SLC35A5: variants seen among roughly 807,000 people sequenced by gnomAD.
SLC35A5 encodes the protein UDP-sugar transporter protein SLC35A5.
In SLC35A5, 28 loss-of-function variants were observed where a neutral mutation model predicts 36.3. That is an observed-to-expected ratio of 0.77 (90% CI 0.57 to 1.06). The LOEUF is 1.06. Among genes scored for constraint, SLC35A5 ranks in the 50% least tolerant of loss-of-function variants. The probability of loss-of-function intolerance (pLI) is 0.00; values close to 1 mark genes in which losing one functional copy is unlikely to be tolerated. For synonymous variants in SLC35A5, 180 were observed against 173.7 expected, an observed-to-expected ratio of 1.04 and a Z score of -0.29; for missense variants, 521 against 499.3, an observed-to-expected ratio of 1.04 and a Z score of -0.41.
At chr3:112,571,335 C>T (rs1440198144) in intron 4 of SLC35A5, among the ~76,000 whole-genome samples, 1 of 152,194 alleles carries the variant, frequency 6.6e-6, no homozygotes, top group East Asian at 1.9e-4. Context: ...CAATAGGTCA[C>T]ATGTATATTT....
At position 112,573,945 on chromosome 3, in the gene SLC35A5, G is replaced by A; in HGVS notation, c.417G>A (p.Arg139=). The A allele has an allele frequency of 6.2e-7, 1 of 1,612,436 alleles. No homozygotes were observed. The highest frequency in any genetic ancestry group is 8.5e-7 in the Non-Finnish European group (1 of 1,178,630). Residue 139 remains arginine (R), a synonymous_variant, in exon 5 of 7, where the codon AGG becomes AGA. Coordinates refer to ENST00000492406, the MANE Select transcript of SLC35A5 (RefSeq NM_017945.5). ...FSIITTALLF[R]IVLKRRLNWI... ...TTATAACAACAGCTCTTCTATTCAG[G>A]ATAGTGCTGAAGTAAGTAACTTGCT...
chr3:112,570,437 A>C, intron 3 of SLC35A5, 103 bp from the exon 4 acceptor site: 1 of 1,317,692 alleles, frequency 7.6e-7, no homozygotes, highest in Non-Finnish European at 1.0e-6. Flanking sequence ...GCACGTTTAT[A>C]AAGCTCCCTT....
chr3:112,561,334 T>A, upstream of SLC35A5: 1 of 975,196 alleles, frequency 1.0e-6, no homozygotes. Flanking sequence ...CTTCCCTGTG[T>A]CTCGAGCCCT....
In SLC35A5 at chr3:112,569,285, G is replaced by A; in HGVS notation, c.229+16G>A. 6.3e-7 allele frequency: 1 copy of A among 1,599,892 alleles called. No homozygotes were observed. The highest frequency in any genetic ancestry group is 1.1e-5 in the South Asian group (1 of 90,162). ...ATAAAGAAAGGTAAGTCTTGAAATG[G>A]TACTATATACTTGTTAATCATAGGA... On this transcript the variant is annotated intron_variant, in intron 3 of 6. Coordinates refer to ENST00000492406, the MANE Select transcript of SLC35A5 (RefSeq NM_017945.5).
chr3:112,576,046 C>T (rs1007251310), intron 5 of SLC35A5, among the ~76,000 whole-genome samples: 22 of 151,994 alleles, frequency 1.4e-4, no homozygotes, highest in Admixed American at 1.3e-3. Context: ...AGGTGTGAGC[C>T]ACTACGCCTG....
chr3:112,583,472 TCTC>T lies in SLC35A5; in HGVS notation c.*740_*742del, dbSNP rs984482879. 3.2e-4 allele frequency: 69 copies of T among 215,442 alleles called. 1 individual carries two copies. Among genetic ancestry groups the T allele is most frequent in the African/African-American group, 1.5e-3 (65 of 44,274 alleles). 13.3% of individuals were successfully genotyped at this position (215,442 alleles called of 1,614,324 possible). ...TAAACAAGCCACGGTGGGGCTTTTT[TCTC>T]CTCAGTTTGAGGAGAAAAATCTTGA... On this transcript the variant is annotated 3_prime_UTR_variant, in exon 7 of 7. Transcript: ENST00000492406.
At chr3:112,564,694 A>C (rs568194835) in intron 2 of SLC35A5, among the ~76,000 whole-genome samples, 1 of 152,284 alleles carries the variant, frequency 6.6e-6, no homozygotes, top group East Asian at 1.9e-4. Context: ...AGACTATCAC[A>C]TGGGGAGAAA....
At chr3:112,575,731 T>C (rs765071396) in intron 5 of SLC35A5, among the ~76,000 whole-genome samples, 8 of 151,770 alleles carry the variant, frequency 5.3e-5, no homozygotes, top group Non-Finnish European at 8.8e-5. Flanking sequence ...TTGTCTTTTA[T>C]GAGAATGCCT....
chr3:112,574,406 A>T (rs1289027500), intron 5 of SLC35A5, among the ~76,000 whole-genome samples: 1 of 112,922 alleles, frequency 8.9e-6, no homozygotes, highest in African/African-American at 7.8e-5. Flanking sequence ...ACTAATTAGC[A>T]GAGTGTGTGA....
At position 112,563,458 on chromosome 3, in the gene SLC35A5, A is replaced by G. The variant is rs1359929729; in HGVS notation, c.55A>G (p.Thr19Ala). The G allele has an allele frequency of 5.6e-6, 9 of 1,606,068 alleles. No homozygotes were observed. The highest frequency in any genetic ancestry group is 7.7e-6 in the Non-Finnish European group (9 of 1,173,824). Residue 19 changes from threonine to alanine, a missense_variant, in exon 2 of 7, where the codon ACA (threonine) becomes GCA (alanine). Transcript: ENST00000492406. ...PVICSLSTMY[T>A]FLLGAIFIAL... ...AATATGCTCCTTGTCAACAATGTAT[A>G]CATTCCTGCTAGGTGCCATATTCAT...
intron 2 of SLC35A5, among the ~76,000 whole-genome samples, chr3:112,567,162 C>G (rs1038098581): frequency 1.3e-5 from 2 of 150,432 alleles, no homozygotes; most frequent in East Asian, 4.1e-4. Flanking sequence ...GGAGGTGGAG[C>G]TTGCAGTGAG....
chr3:112,570,623 T>A lies in SLC35A5; in HGVS notation c.313T>A (p.Phe105Ile), dbSNP rs1419013606. ...GTGGTCCATTCCTGCCTTTCTTTATTTCCTGGATAACTTGATTGTCTTCTA... is the reference window on the plus strand; with the variant it reads ...GTGGTCCATTCCTGCCTTTCTTTATATCCTGGATAACTTGATTGTCTTCTA... Reference protein sequence around the residue: ...MKWSIPAFLYFLDNLIVFYVL... With the variant: ...MKWSIPAFLYILDNLIVFYVL... Residue 105 changes from phenylalanine (F) to isoleucine (I), a missense_variant, in exon 4 of 7, where the codon TTC becomes ATC. Transcript: ENST00000492406. 11 of 1,612,494 alleles carry A rather than the reference T, an allele frequency of 6.8e-6. No individual in the cohort carries two copies. The East Asian group carries it at 2.2e-4, about 33-fold the overall frequency.
chr3:112,582,224 C>T (rs1195407912), intron 6 of SLC35A5, among the ~76,000 whole-genome samples: 1 of 152,124 alleles, frequency 6.6e-6, no homozygotes, highest in South Asian at 2.1e-4. Context: ...CATGATTCAA[C>T]AGATTCTAAA....
At chr3:112,581,943 A>G (rs944033478) in intron 6 of SLC35A5, among the ~76,000 whole-genome samples, 10 of 152,264 alleles carry the variant, frequency 6.6e-5, no homozygotes, top group East Asian at 1.9e-4. Flanking sequence ...TGCTTATGCA[A>G]TTATTCCGAA....
At chr3:112,563,311 G>T in intron 1 of SLC35A5, 74 bp from the exon 2 acceptor site, 3 of 1,324,252 alleles carry the variant, frequency 2.3e-6, no homozygotes, top group African/African-American at 1.5e-5. Flanking sequence ...TTCCTTTTTT[G>T]TCCTCACGAT....
At chr3:112,569,003 C>T (rs369063582) in intron 2 of SLC35A5, among the ~76,000 whole-genome samples, 168 bp from the exon 3 acceptor site, 1 of 152,264 alleles carries the variant, frequency 6.6e-6, no homozygotes, top group East Asian at 1.9e-4. Context: ...ATAGCTAATA[C>T]ATTAGGTGAA....
chr3:112,582,484 A>C (rs956780872), intron 6 of SLC35A5, among the ~76,000 whole-genome samples, 187 bp from the exon 7 acceptor site: 2 of 152,172 alleles, frequency 1.3e-5, no homozygotes, highest in African/African-American at 4.8e-5. Flanking sequence ...TACTGAGTAC[A>C]CTTCACTTTT....
At chr3:112,571,904 A>AGGT (rs1217448688) in intron 4 of SLC35A5, among the ~76,000 whole-genome samples, 1 of 149,564 alleles carries the variant, frequency 6.7e-6, no homozygotes, top group African/African-American at 2.5e-5. Flanking sequence ...AGTAGAAAAC[A>AGGT]GGTGTTTGAC....
Position 112,584,646 on chromosome 3 carries a change from G to A in SLC35A5, c.*1910G>A, listed in dbSNP as rs1356394935. The A allele has an allele frequency of 6.6e-6, 1 of 152,056 alleles. No homozygotes were observed. Among genetic ancestry groups the A allele is most frequent in the Non-Finnish European group, 1.5e-5 (1 of 67,990 alleles). 9.4% of individuals were successfully genotyped at this position (152,056 alleles called of 1,614,324 possible). A position where few individuals can be genotyped will look rare whatever the true frequency, so the allele number is the denominator to read the frequency against. ...AGTGAGAGCACAAGATCATGTGCTG[G>A]AACTAAAAATGTTCTATTCAACCCA... is the stretch of plus-strand genomic sequence containing the variant. On this transcript the variant is annotated 3_prime_UTR_variant, in exon 7 of 7. Coordinates refer to ENST00000492406, the MANE Select transcript of SLC35A5 (RefSeq NM_017945.5).
Sources: gnomAD v4.1 joint callset for allele counts (sites outside exome capture counted in the v4.1 genomes callset) on GRCh38, gnomAD v4.1.1 for gene constraint, MANE v1.5 for transcripts, NCBI Gene and HGNC (gene_info 2026-07-23, HGNC 2026-07-21) for gene names.